Variants in KCNIP3 observed in about 807,000 individuals in gnomAD.
KCNIP3 encodes potassium voltage-gated channel interacting protein 3, also known as calsenilin.
A neutral mutation model predicts 35.0 loss-of-function variants in KCNIP3; 28 were observed. The observed-to-expected ratio is 0.80, with a 90% confidence interval of 0.59 to 1.10. The LOEUF (loss-of-function observed/expected upper bound fraction) is 1.10. Ranked by LOEUF, KCNIP3 falls within the 50% of genes least tolerant of loss-of-function variation. The pLI, the probability that KCNIP3 is intolerant of heterozygous loss-of-function variation, is 0.00. For synonymous variants in KCNIP3, 134 were observed against 133.8 expected, an observed-to-expected ratio of 1.00 and a Z score of -0.01; for missense variants, 295 against 338.4, an observed-to-expected ratio of 0.87 and a Z score of 1.01.
intron 2 of KCNIP3, among the ~76,000 whole-genome samples, chr2:95,322,399 G>C (rs922841252): frequency 1.3e-5 from 2 of 152,126 alleles, no homozygotes; most frequent in African/African-American, 4.8e-5. Context: ...CACTGTAGAG[G>C]GTTGTCAGAG....
chr2:95,338,456 G>A (rs1306193255), intron 2 of KCNIP3, among the ~76,000 whole-genome samples: 2 of 152,144 alleles, frequency 1.3e-5, no homozygotes, highest in African/African-American at 4.8e-5. Flanking sequence ...CAGAAATGAG[G>A]AGGGAGAAAT....
At chr2:95,310,651 G>C (rs1397402888) in intron 2 of KCNIP3, 131 bp downstream of exon 2, 3 of 997,008 alleles carry the variant, frequency 3.0e-6, no homozygotes, top group African/African-American at 1.6e-5. Context: ...TCTATTGGAG[G>C]TGTGTTTTCA....
Position 95,382,668 on chromosome 2 carries a change from GC to G in KCNIP3, c.660+190del, listed in dbSNP as rs921641235. Among the ~76,000 whole-genome samples, 2 of 152,202 alleles carry G rather than the reference GC, an allele frequency of 1.3e-5. No individual in the cohort carries two copies. Among genetic ancestry groups the G allele is most frequent in the South Asian group, 2.1e-4 (1 of 4,832 alleles). On this transcript the variant is annotated intron_variant, in intron 7 of 8. Transcript: ENST00000295225. This position sits in a 1 kb window ranked among gnomAD's most constrained non-coding sequence, Gnocchi z 4.5. The stretch of plus-strand genomic sequence containing the variant: ...GAGAAGTGAACTACACCACTGCTCT[GC>G]CCTGTGGACCTCATCTGGGGGCCAG...
At chr2:95,383,893 C>A in intron 8 of KCNIP3, 109 bp from the exon 9 acceptor site, 2 of 934,384 alleles carry the variant, frequency 2.1e-6, no homozygotes, top group Non-Finnish European at 3.5e-6. Context: ...ATAAGACAGA[C>A]AGACAGGCAG....
intron 2 of KCNIP3, among the ~76,000 whole-genome samples, chr2:95,338,395 A>T (rs1230179117): frequency 6.6e-6 from 1 of 152,208 alleles, no homozygotes; most frequent in Non-Finnish European, 1.5e-5. Context: ...AGAGCCCAGG[A>T]ACCTGTGTCC....
At chr2:95,372,539 G>A (rs1448085090) in intron 2 of KCNIP3, among the ~76,000 whole-genome samples, 1 of 152,226 alleles carries the variant, frequency 6.6e-6, no homozygotes, top group Non-Finnish European at 1.5e-5. Flanking sequence ...AGGTGATGAG[G>A]AAAGAGTGGG....
intron 2 of KCNIP3, among the ~76,000 whole-genome samples, chr2:95,348,022 C>A (rs1016179700): frequency 6.6e-6 from 1 of 152,212 alleles, no homozygotes; most frequent in African/African-American, 2.4e-5. Context: ...CTGCTGAGTG[C>A]GGGAAGGGGC....
At chr2:95,364,887 C>A (rs568378866) in intron 2 of KCNIP3, among the ~76,000 whole-genome samples, 2 of 152,132 alleles carry the variant, frequency 1.3e-5, no homozygotes, top group Admixed American at 1.3e-4. Flanking sequence ...GAGTTTGAGA[C>A]CAGCCTGGGC....
In KCNIP3 at chr2:95,385,750, C is replaced by T. The variant is rs1347388190; in HGVS notation, c.*1701C>T. 1 of 152,778 alleles carries T rather than the reference C, an allele frequency of 6.5e-6. No homozygotes were observed. The highest frequency in any genetic ancestry group is 2.4e-5 in the African/African-American group (1 of 41,478). The allele number at this position is 152,778 out of a possible 1,614,324, so 9.5% of individuals were successfully genotyped here. ...CCAGGCTGACTGGGGGCCTCTGCCT[C>T]CAGGAGGGCATCAGCTTTCCCTGGC... On this transcript the variant is annotated 3_prime_UTR_variant, in exon 9 of 9. Transcript: ENST00000295225.
At chr2:95,380,636 A>C (rs1035816838) in intron 5 of KCNIP3, among the ~76,000 whole-genome samples, 1 of 152,242 alleles carries the variant, frequency 6.6e-6, no homozygotes, top group Non-Finnish European at 1.5e-5. Context: ...CCATTTAAAC[A>C]GCCATATTCT....
intron 2 of KCNIP3, chr2:95,346,965 G>C: frequency 7.2e-7 from 1 of 1,382,016 alleles, no homozygotes; most frequent in East Asian, 2.7e-5. Context: ...CTCCGAGGCA[G>C]CGCGTGGGCG....
At chr2:95,309,317 G>C (rs1399302037) in intron 1 of KCNIP3, among the ~76,000 whole-genome samples, 1 of 152,158 alleles carries the variant, frequency 6.6e-6, no homozygotes. Flanking sequence ...TGTCAGGATT[G>C]GGGGGCCTGA....
chr2:95,315,899 C>T (rs1242352716), intron 2 of KCNIP3, among the ~76,000 whole-genome samples: 1 of 152,230 alleles, frequency 6.6e-6, no homozygotes, highest in Non-Finnish European at 1.5e-5. Flanking sequence ...AGCACCTGGG[C>T]ATGACGACAG....
At chr2:95,352,972 T>G (rs1187269762) in intron 2 of KCNIP3, among the ~76,000 whole-genome samples, 1 of 152,238 alleles carries the variant, frequency 6.6e-6, no homozygotes, top group Non-Finnish European at 1.5e-5. Flanking sequence ...CTTCAGTGAT[T>G]TGGGGGTTCC....
chr2:95,302,563 A>G (rs752545860), intron 1 of KCNIP3, among the ~76,000 whole-genome samples: 22 of 152,116 alleles, frequency 1.4e-4, no homozygotes, highest in Non-Finnish European at 2.6e-4. Context: ...CCTCCCTGGG[A>G]TCAGAAGGGC....
intron 2 of KCNIP3, among the ~76,000 whole-genome samples, chr2:95,352,253 C>G (rs1204541203): frequency 6.6e-6 from 1 of 152,100 alleles, no homozygotes; most frequent in African/African-American, 2.4e-5. Flanking sequence ...GACTCTGTCT[C>G]AAAACAAACA....
chr2:95,347,603 G>T (rs1679409583), intron 2 of KCNIP3, among the ~76,000 whole-genome samples: 1 of 152,228 alleles, frequency 6.6e-6, no homozygotes, highest in South Asian at 2.1e-4. Context: ...CAAGCCCATG[G>T]GATCAGTAAC....
At chr2:95,317,826 G>A (rs1355990754) in intron 2 of KCNIP3, among the ~76,000 whole-genome samples, 4 of 152,194 alleles carry the variant, frequency 2.6e-5, no homozygotes, top group Admixed American at 6.5e-5. Context: ...GGAGTCGGGC[G>A]GATTAAGCCA....
Position 95,310,355 on chromosome 2 carries a change from G to A in KCNIP3, c.16G>A (p.Glu6Lys). The change falls in exon 2 of 9, where the codon GAA (glutamate) becomes AAA (lysine). Residue 6 changes from glutamate to lysine, a missense_variant and splice_region_variant. Coordinates refer to ENST00000295225, the MANE Select transcript of KCNIP3 (RefSeq NM_013434.5). Reference protein sequence around the residue: MQPAKEVTKASDGSLL... With the variant: MQPAKKVTKASDGSLL... ...GCTGCTCTGCCTGTTCCTACTGCAG[G>A]AAGTGACAAAGGCGTCGGACGGCAG... 6.2e-7 allele frequency: 1 copy of A among 1,611,808 alleles called. No homozygotes were observed. Among genetic ancestry groups the A allele is most frequent in the Non-Finnish European group, 8.5e-7 (1 of 1,178,220 alleles).
Sources: allele counts gnomAD v4.1 joint callset (sites outside exome capture counted in the v4.1 genomes callset), GRCh38; gene constraint gnomAD v4.1.1; non-coding constraint Gnocchi (gnomAD v3.1); transcripts MANE v1.5; gene names NCBI Gene and HGNC (gene_info 2026-07-23, HGNC 2026-07-21).